COL9A3: variants seen among roughly 807,000 people sequenced by gnomAD.
COL9A3 encodes collagen type IX alpha 3 chain, also known as collagen alpha-3(IX) chain.
Under a neutral mutation model 110.2 loss-of-function variants are expected in COL9A3, and 82 were observed. That is an observed-to-expected ratio of 0.74 (90% CI 0.62 to 0.89). The LOEUF (loss-of-function observed/expected upper bound fraction) is 0.89, where lower values mean the gene tolerates loss of function less well. Ranked by LOEUF, COL9A3 falls within the 40% of genes least tolerant of loss-of-function variation. The pLI is 0.00. For missense variants in COL9A3, 1,066 were observed against 981.3 expected (o/e 1.09, Z -1.15); for synonymous variants, 494 against 403.8 (o/e 1.22, Z -2.68).
chr20:62,822,540 G>A (rs1260246641), intron 9 of COL9A3, 51 bp from the exon 10 acceptor site: 3 of 1,602,676 alleles, frequency 1.9e-6, no homozygotes, highest in Non-Finnish European at 2.6e-6. Flanking sequence ...TTGGGTGGCT[G>A]CAGGTGGCTG....
chr20:62,821,480 G>A (rs1196479522), intron 6 of COL9A3, 27 bp from the exon 7 acceptor site: 1 of 1,612,858 alleles, frequency 6.2e-7, no homozygotes. Flanking sequence ...TGCCTGGCAG[G>A]CTCTGACCCC....
At position 62,838,940 on chromosome 20, in the gene COL9A3, C is replaced by T. The variant is rs187043852; in HGVS notation, c.1864+179C>T. Among the ~76,000 whole-genome samples, 446 of 152,190 alleles carry T rather than the reference C, an allele frequency of 2.9e-3. 3 individuals are homozygous for T. Among genetic ancestry groups the T allele is most frequent in the Middle Eastern group, 0.014 (4 of 294 alleles). On this transcript the variant is annotated intron_variant, in intron 31 of 31. Coordinates refer to ENST00000649368, the MANE Select transcript of COL9A3 (RefSeq NM_001853.4). The stretch of plus-strand genomic sequence containing the variant: ...CCACTTTAATACATAAAAGTTTAAT[C>T]GGGGCTGGGCGCGGTGGCTTACACC...
chr20:62,837,571 G>A (rs1423644399), intron 30 of COL9A3, among the ~76,000 whole-genome samples: 2 of 152,226 alleles, frequency 1.3e-5, no homozygotes, highest in African/African-American at 2.4e-5. Flanking sequence ...CACTTTGGGG[G>A]GCTGAGGTGG....
At position 62,819,918 on chromosome 20, in the gene COL9A3, C is replaced by T. The variant is rs749083772; in HGVS notation, c.256-11C>T. ...TGTGGCCCCTCGAGCTCGCCCTCTG[C>T]CTCTCCCCAGGGTCTGACTGGACGA... is the stretch of plus-strand genomic sequence containing the variant. On this transcript the variant is annotated splice_polypyrimidine_tract_variant and intron_variant, in intron 4 of 31. Transcript: ENST00000649368. The T allele has an allele frequency of 1.1e-5, 18 of 1,612,822 alleles. No individual in the cohort carries two copies. Among genetic ancestry groups the T allele is most frequent in the Non-Finnish European group, 1.5e-5 (18 of 1,179,982 alleles).
chr20:62,840,317 C>T (rs968913072), intron 31 of COL9A3, among the ~76,000 whole-genome samples: 1 of 152,180 alleles, frequency 6.6e-6, no homozygotes, highest in African/African-American at 2.4e-5. Flanking sequence ...CGGCTCTGCA[C>T]CCCTGCCTGG....
intron 5 of COL9A3, among the ~76,000 whole-genome samples, chr20:62,820,918 C>G (rs968533967): frequency 6.6e-6 from 1 of 152,158 alleles, no homozygotes; most frequent in African/African-American, 2.4e-5. Context: ...CCCCGGGTCA[C>G]TTCGGTGCCT....
At position 62,819,072 on chromosome 20, in the gene COL9A3, G is replaced by C. The variant is rs1048535863; in HGVS notation, c.184-150G>C. ...GGACACACGTGCCCCAGCTGAGCCG[G>C]GTCTGCCAGACAGTAGGGGGGACCC... On this transcript the variant is annotated intron_variant, in intron 3 of 31. Transcript: ENST00000649368. 3.7e-5 allele frequency: 30 copies of C among 814,114 alleles called. No individual in the cohort carries two copies. In the African/African-American group the frequency reaches 4.7e-4, roughly 13 times the overall value. The allele number at this position is 814,114 out of a possible 1,614,324, so 50.4% of individuals were successfully genotyped here. A position where few individuals can be genotyped will look rare whatever the true frequency, so the allele number is the denominator to read the frequency against.
At position 62,819,126 on chromosome 20, in the gene COL9A3, G is replaced by C. The variant is rs1002506146; in HGVS notation, c.184-96G>C. 5.6e-6 allele frequency: 7 copies of C among 1,241,586 alleles called. No homozygotes were observed. In the Admixed American group the frequency reaches 5.7e-5, roughly 10 times the overall value. The allele number at this position is 1,241,586 out of a possible 1,614,324, so 76.9% of individuals were successfully genotyped here. On this transcript the variant is annotated intron_variant, in intron 3 of 31. Coordinates refer to ENST00000649368, the MANE Select transcript of COL9A3 (RefSeq NM_001853.4). ...AGAGGGGCCCATCCCGTATGGTTGG[G>C]CTGGGGGGAAGTGGAAAGCATTTTG...
chr20:62,836,910 G>C (rs1271383426), intron 29 of COL9A3, 173 bp from the exon 30 acceptor site: 6 of 902,680 alleles, frequency 6.6e-6, no homozygotes, highest in Non-Finnish European at 1.1e-5. Flanking sequence ...AGGGGTTGGG[G>C]GTCCTTTCTA....
intron 8 of COL9A3, 110 bp downstream of exon 8, chr20:62,821,920 C>G: frequency 1.3e-6 from 1 of 779,986 alleles, no homozygotes; most frequent in Admixed American, 2.0e-5. Flanking sequence ...TCTCCCCCAA[C>G]CCCACCTTGG....
intron 29 of COL9A3, chr20:62,836,867 C>T (rs1446586689): frequency 1.1e-5 from 8 of 715,752 alleles, no homozygotes; most frequent in Admixed American, 6.6e-5. Flanking sequence ...AGGGCACTTC[C>T]TTCACCTTCC....
intron 30 of COL9A3, 41 bp downstream of exon 30, chr20:62,837,306 A>G: frequency 6.3e-7 from 1 of 1,590,998 alleles, no homozygotes; most frequent in Non-Finnish European, 8.5e-7. Context: ...CTGCTGTAAA[A>G]ATCCCTGAGA....
intron 22 of COL9A3, 149 bp downstream of exon 22, chr20:62,829,968 T>C (rs2147216278): frequency 9.7e-7 from 1 of 1,033,464 alleles, no homozygotes; most frequent in Non-Finnish European, 1.4e-6. Context: ...TGGGGCCCCA[T>C]CTTCTTGTCC....
chr20:62,830,326 A>G, intron 22 of COL9A3, 34 bp from the exon 23 acceptor site: 2 of 1,557,738 alleles, frequency 1.3e-6, no homozygotes, highest in Non-Finnish European at 1.7e-6. Context: ...TCGAACCCTG[A>G]GACATCCGCT....
In COL9A3 at chr20:62,819,343, C is replaced by T. The variant is rs750783999; in HGVS notation, c.255+50C>T. The stretch of plus-strand genomic sequence containing the variant: ...CATGCCCCACTCCCCGCTCCGGGTC[C>T]CTGGAGGAGTCCGGCCCTAATTGCT... On this transcript the variant is annotated intron_variant, in intron 4 of 31. Coordinates refer to ENST00000649368, the MANE Select transcript of COL9A3 (RefSeq NM_001853.4). 3.2e-6 allele frequency: 5 copies of T among 1,545,184 alleles called. No homozygotes were observed. In the African/African-American group the frequency reaches 5.4e-5, roughly 17 times the overall value.
At chr20:62,828,054 G>T in intron 17 of COL9A3, 78 bp downstream of exon 17, 1 of 1,486,934 alleles carries the variant, frequency 6.7e-7, no homozygotes, top group South Asian at 1.1e-5. Context: ...CATTCAGAAG[G>T]GCTGGAGCTC....
rs2147214451 is a variant in COL9A3, at chr20:62,828,953, G to C, written c.985G>C (p.Glu329Gln). 3 of 1,610,604 alleles carry C rather than the reference G, an allele frequency of 1.9e-6. No individual in the cohort carries two copies. The highest frequency in any genetic ancestry group is 2.5e-6 in the Non-Finnish European group (3 of 1,179,554). ...GGCTGGTCGCAACGGTGCTCCGGGA[G>C]AGAAGGGCCCCAACGGGCTGCCGGT... Reference protein sequence around the residue: ...GEAGRNGAPGEKGPNGLPGLP... With the variant: ...GEAGRNGAPGQKGPNGLPGLP... The change falls in exon 19 of 32, where the codon GAG becomes CAG. Residue 329 changes from glutamate to glutamine, a missense_variant. Physicochemically the swap from Glu to Gln is conservative, Grantham distance 29. Coordinates refer to ENST00000649368, the MANE Select transcript of COL9A3 (RefSeq NM_001853.4).
In COL9A3 at chr20:62,829,652, G is replaced by T; in HGVS notation, c.1078G>T (p.Ala360Ser). Residue 360 changes from alanine (A) to serine (S), a missense_variant, in exon 21 of 32, where the codon GCC (alanine) becomes TCC (serine). Physicochemically the swap from Ala to Ser is moderately conservative, Grantham distance 99. Transcript: ENST00000649368. ...GGGCAGAGCTGGGGAGCTGGGTGAG[G>T]CCGGCCCCTCTGGAGAGCCAGGCGT... ...ERGRAGELGE[A>S]GPSGEPGVPG... is the part of the protein sequence containing the mutation. 1 of 1,609,520 alleles carries T rather than the reference G, an allele frequency of 6.2e-7. No individual in the cohort carries two copies. The highest frequency in any genetic ancestry group is 8.5e-7 in the Non-Finnish European group (1 of 1,178,750).
intron 26 of COL9A3, among the ~76,000 whole-genome samples, chr20:62,833,387 G>C (rs577811291): frequency 7.4e-4 from 112 of 152,294 alleles, no homozygotes; most frequent in Non-Finnish European, 1.3e-3. Context: ...TTGTTTTTTT[G>C]TTTTTGGTTT....
Sources: allele counts gnomAD v4.1 joint callset (sites outside exome capture counted in the v4.1 genomes callset), GRCh38; gene constraint gnomAD v4.1.1; transcripts MANE v1.5; gene names NCBI Gene and HGNC (gene_info 2026-07-23, HGNC 2026-07-21).